Variants in RYR3 observed in about 807,000 individuals in gnomAD.
The protein encoded by RYR3 is brain ryanodine receptor-calcium release channel.
A neutral mutation model predicts 584.3 loss-of-function variants in RYR3; 207 were observed. That is an observed-to-expected ratio of 0.35 (90% CI 0.32 to 0.40). RYR3 has a LOEUF of 0.40. Among genes scored for constraint, RYR3 ranks in the 10% least tolerant of loss-of-function variants. The pLI, the probability that RYR3 is intolerant of heterozygous loss-of-function variation, is 1.00. For synonymous variants in RYR3, 2,416 were observed against 2,248.5 expected, an observed-to-expected ratio of 1.07 and a Z score of -2.11; for missense variants, 5,616 against 6,089.2, an observed-to-expected ratio of 0.92 and a Z score of 2.59.
chr15:33,804,414 C>A (rs1441611247), intron 69 of RYR3, among the ~76,000 whole-genome samples: 3 of 152,164 alleles, frequency 2.0e-5, no homozygotes, highest in Admixed American at 1.3e-4. Flanking sequence ...CTAAGTCTTG[C>A]CCCTGGCCCA....
chr15:33,842,899 C>T (rs2078463679), intron 91 of RYR3, among the ~76,000 whole-genome samples: 1 of 152,134 alleles, frequency 6.6e-6, no homozygotes, highest in Non-Finnish European at 1.5e-5. Context: ...CGTGTTTAGG[C>T]CTTTGGCTCC....
intron 43 of RYR3, among the ~76,000 whole-genome samples, chr15:33,711,891 T>C (rs1411755365): frequency 1.3e-5 from 2 of 152,152 alleles, no homozygotes; most frequent in Non-Finnish European, 2.9e-5. Context: ...TTTTCAGGTA[T>C]CTTTATAGCA....
chr15:33,672,408 T>C (rs34837944), intron 38 of RYR3, among the ~76,000 whole-genome samples: 51,824 of 152,074 alleles, frequency 0.34, 10,423 homozygotes, highest in Non-Finnish European at 0.46. Flanking sequence ...CTCATGCTTC[T>C]TCCCTTCCAC....
chr15:33,732,478 G>A (rs2069054975), intron 48 of RYR3, among the ~76,000 whole-genome samples: 1 of 151,938 alleles, frequency 6.6e-6, no homozygotes, highest in Non-Finnish European at 1.5e-5. Flanking sequence ...GGAATTAAAG[G>A]CAATAATTTT....
chr15:33,436,468 G>T (rs975513604), intron 1 of RYR3, among the ~76,000 whole-genome samples: 3 of 145,736 alleles, frequency 2.1e-5, no homozygotes, highest in African/African-American at 7.6e-5. Context: ...TGGCTTATGT[G>T]TTACTTTATC....
chr15:33,633,141 C>G, intron 24 of RYR3, 33 bp downstream of exon 24: 2 of 1,606,096 alleles, frequency 1.2e-6, no homozygotes, highest in Non-Finnish European at 1.7e-6. Flanking sequence ...TGCTGGAAAA[C>G]TTAGAAGATA....
At chr15:33,839,732 G>A (rs1707586107) in intron 89 of RYR3, 1 of 152,204 alleles carries the variant, frequency 6.6e-6, no homozygotes, top group South Asian at 2.1e-4. Context: ...GGAGAATAAA[G>A]GCATTGGACA....
At position 33,678,440 on chromosome 15, in the gene RYR3, G is replaced by A. The variant is rs111260080; in HGVS notation, c.5860+7884G>A. ...TTCCCCTCTGCCTTCCACCACAATT[G>A]TAAGTTTTCTGAGGCCTCCCAGCCA... On this transcript the variant is annotated intron_variant, in intron 38 of 103. Transcript: ENST00000634891. Among the ~76,000 whole-genome samples, 910 of 152,238 alleles carry A rather than the reference G, an allele frequency of 6.0e-3. 8 individuals carry two copies. The highest frequency in any genetic ancestry group is 0.021 in the African/African-American group (859 of 41,532).
rs141166673 is a variant in RYR3, at chr15:33,578,841, G to A, written c.1269-1135G>A. 1.9e-3 allele frequency among the ~76,000 whole-genome samples: 293 copies of A among 151,750 alleles called. 1 individual carries two copies. Among genetic ancestry groups the A allele is most frequent in the African/African-American group, 6.8e-3 (282 of 41,396 alleles). On this transcript the variant is annotated intron_variant, in intron 12 of 103. Coordinates refer to ENST00000634891, the MANE Select transcript of RYR3 (RefSeq NM_001036.6). The stretch of plus-strand genomic sequence containing the variant: ...CATTGAGCCAATTCTCAATCACTCA[G>A]GGCCTTATGATGCAAACCCACAAGA...
chr15:33,727,340 CGTT>C (rs1268462621), intron 46 of RYR3, among the ~76,000 whole-genome samples: 1 of 152,152 alleles, frequency 6.6e-6, no homozygotes, highest in East Asian at 1.9e-4. Flanking sequence ...TGATTCCAAC[CGTT>C]GTCATGTTTC....
At position 33,706,962 on chromosome 15, in the gene RYR3, T is replaced by G. The variant is rs1233128776; in HGVS notation, c.6527T>G (p.Met2176Arg). The change falls in exon 43 of 104, where the codon ATG becomes AGG. Residue 2176 changes from methionine (M) to arginine (R), a missense_variant. This residue lies in a region of RYR3 where 1,280 missense variants were observed against 1,426.2 expected (regional missense o/e 0.90). Coordinates refer to ENST00000634891, the MANE Select transcript of RYR3 (RefSeq NM_001036.6). Reference sequence around the variant, plus strand: ...GGCTGTGGCCTACAGAGCTGCCCCATGCTTCTGGCCAAAGGATACCCTGAT... The same window carrying G: ...GGCTGTGGCCTACAGAGCTGCCCCAGGCTTCTGGCCAAAGGATACCCTGAT... Reference protein sequence around the residue: ...LAGCGLQSCPMLLAKGYPDVG... With the variant: ...LAGCGLQSCPRLLAKGYPDVG... 1.2e-6 allele frequency: 2 copies of G among 1,612,512 alleles called. No homozygotes were observed. Among genetic ancestry groups the G allele is most frequent in the African/African-American group, 2.7e-5 (2 of 74,926 alleles).
intron 3 of RYR3, among the ~76,000 whole-genome samples, chr15:33,520,792 T>A (rs1372752466): frequency 6.6e-6 from 1 of 152,212 alleles, no homozygotes; most frequent in Non-Finnish European, 1.5e-5. Flanking sequence ...CACAGATGTA[T>A]ACAGGATGAC....
chr15:33,799,744 A>G (rs1446726273), intron 67 of RYR3, among the ~76,000 whole-genome samples: 1 of 152,220 alleles, frequency 6.6e-6, no homozygotes, highest in Non-Finnish European at 1.5e-5. Context: ...TGAGACCGGC[A>G]TCTGAAGTGA....
chr15:33,807,245 C>A (rs1191561704), intron 69 of RYR3, among the ~76,000 whole-genome samples: 1 of 152,070 alleles, frequency 6.6e-6, no homozygotes, highest in African/African-American at 2.4e-5. Flanking sequence ...TTCTGGCCAC[C>A]CACAAGAACT....
At chr15:33,638,376 A>G (rs551364919) in intron 27 of RYR3, among the ~76,000 whole-genome samples, 2 of 152,322 alleles carry the variant, frequency 1.3e-5, no homozygotes, top group South Asian at 4.1e-4. Flanking sequence ...GCACATCTCC[A>G]AAGAAAGTCA....
chr15:33,725,941 GCCTGGGTGACAGAGCAAGACTCCAT>G (rs1213316932), intron 45 of RYR3, among the ~76,000 whole-genome samples: 54 of 138,232 alleles, frequency 3.9e-4, no homozygotes, highest in Middle Eastern at 4.1e-3. Context: ...CTGCACTCCA[GCCTGGGTGACAGAGCAAGACTCCAT>G]CCCCCCCCCC....
intron 1 of RYR3, among the ~76,000 whole-genome samples, chr15:33,325,708 T>C (rs1969584298): frequency 7.7e-6 from 1 of 129,884 alleles, no homozygotes; most frequent in Non-Finnish European, 1.6e-5. Flanking sequence ...TTCCCCTCTC[T>C]GCCTTCCCCC....
chr15:33,835,363 G>A (rs2077973865), intron 87 of RYR3, among the ~76,000 whole-genome samples: 1 of 151,954 alleles, frequency 6.6e-6, no homozygotes, highest in Admixed American at 6.5e-5. Flanking sequence ...AATCCTTTCT[G>A]CTTCCTTGCC....
At chr15:33,383,264 C>A (rs1372046809) in intron 1 of RYR3, among the ~76,000 whole-genome samples, 1 of 148,158 alleles carries the variant, frequency 6.7e-6, no homozygotes, top group Non-Finnish European at 1.5e-5. Flanking sequence ...TGTGACATGA[C>A]TGCCAGCTTT....
Sources: allele counts gnomAD v4.1 joint callset (sites outside exome capture counted in the v4.1 genomes callset), GRCh38; gene constraint gnomAD v4.1.1; regional missense constraint gnomAD v4.1.1; transcripts MANE v1.5; gene names NCBI Gene and HGNC (gene_info 2026-07-23, HGNC 2026-07-21).